The following CRB1 variants were observed in gnomAD, a reference collection of about 807,000 sequenced individuals.
The protein encoded by CRB1 is protein crumbs homolog 1.
A neutral mutation model predicts 120.0 loss-of-function variants in CRB1; 83 were observed. The ratio of observed to expected loss-of-function variants is 0.69; its 90% CI spans 0.58 to 0.83. CRB1 has a LOEUF of 0.83. CRB1 is among the 40% of genes least tolerant of loss of function. CRB1 has a pLI of 0.00. For synonymous variants in CRB1, 625 were observed against 612.5 expected (o/e 1.02, Z -0.30); for missense variants, 1,699 against 1,687.6 (o/e 1.01, Z -0.12).
chr1:197,303,639 C>T (rs978222007), intron 1 of CRB1, among the ~76,000 whole-genome samples: 9 of 151,938 alleles, frequency 5.9e-5, no homozygotes, highest in African/African-American at 2.2e-4. Flanking sequence ...AAATAAGCGA[C>T]TTGTCCTAGC....
chr1:197,429,417 C>T (rs766236602), intron 7 of CRB1, 32 bp from the exon 8 acceptor site: 2 of 1,612,900 alleles, frequency 1.2e-6, no homozygotes, highest in South Asian at 1.1e-5. Context: ...GTTGCCAGTG[C>T]TTTTTATACC....
intron 5 of CRB1, among the ~76,000 whole-genome samples, chr1:197,381,185 A>C (rs962654539): frequency 6.6e-6 from 1 of 152,152 alleles, no homozygotes; most frequent in Non-Finnish European, 1.5e-5. Flanking sequence ...TGGGTTCCTC[A>C]TTCTGGTTTA....
intron 5 of CRB1, among the ~76,000 whole-genome samples, chr1:197,400,306 T>A (rs1662995913): frequency 2.2e-5 from 2 of 90,526 alleles, no homozygotes; most frequent in Non-Finnish European, 5.1e-5. Flanking sequence ...TGTAAGAGCT[T>A]TTTTTTTTTT....
intron 8 of CRB1, 120 bp from the exon 9 acceptor site, chr1:197,434,586 C>A: frequency 1.1e-6 from 1 of 890,356 alleles, no homozygotes; most frequent in Non-Finnish European, 1.8e-6. Flanking sequence ...CAGTATGTAA[C>A]ATGTATCAAA....
At chr1:197,307,063 A>G (rs999880540) in intron 1 of CRB1, among the ~76,000 whole-genome samples, 9 of 152,220 alleles carry the variant, frequency 5.9e-5, no homozygotes, top group Non-Finnish European at 1.2e-4. Context: ...TATTTTGAAT[A>G]TAAGTGGTAC....
chr1:197,334,109 G>A (rs1659012913), intron 2 of CRB1, among the ~76,000 whole-genome samples: 1 of 152,178 alleles, frequency 6.6e-6, no homozygotes, highest in Non-Finnish European at 1.5e-5. Context: ...ACAGATCTGA[G>A]GTGGGGGTCC....
At position 197,328,931 on chromosome 1, in the gene CRB1, C is replaced by T. The variant is rs772447283; in HGVS notation, c.580C>T (p.Pro194Ser). The change falls in exon 2 of 12, where the codon CCC becomes TCC. Residue 194 changes from proline (P) to serine (S), a missense_variant. Coordinates refer to ENST00000367400, the MANE Select transcript of CRB1 (RefSeq NM_201253.3). Reference protein sequence around the residue: ...DLEVDECASDPCKNEATCLNE... With the variant: ...DLEVDECASDSCKNEATCLNE... ...GGAAGTGGATGAATGTGCTTCAGATCCCTGCAAGAACGAGGCTACATGCCT... is the reference window on the plus strand; with the variant it reads ...GGAAGTGGATGAATGTGCTTCAGATTCCTGCAAGAACGAGGCTACATGCCT... 7 of 1,614,074 alleles carry T rather than the reference C, an allele frequency of 4.3e-6. No homozygotes were observed. In the Admixed American group the frequency reaches 1.2e-4, roughly 27 times the overall value.
chr1:197,426,337 C>A (rs762384709), intron 6 of CRB1, among the ~76,000 whole-genome samples: 7 of 151,922 alleles, frequency 4.6e-5, no homozygotes, highest in Non-Finnish European at 8.8e-5. Flanking sequence ...TCTCAGAGTT[C>A]CTCCCTGATT....
In CRB1 at chr1:197,344,408, A is replaced by C; in HGVS notation, c.780A>C (p.Glu260Asp). ...CAPGFLGDHC[E>D]LNTDECASQP... ...CTGGATTCCTGGGGGATCACTGTGA[A>C]CTCAACACTGATGAGTGTGCCAGTC... The change falls in exon 3 of 12, where the codon GAA becomes GAC. Residue 260 changes from glutamate to aspartate, a missense_variant. Transcript: ENST00000367400. 6.2e-7 allele frequency: 1 copy of C among 1,613,964 alleles called. No individual in the cohort carries two copies. The highest frequency in any genetic ancestry group is 1.1e-5 in the South Asian group (1 of 91,070).
At chr1:197,302,072 T>A (rs1336860632) in intron 1 of CRB1, among the ~76,000 whole-genome samples, 1 of 152,134 alleles carries the variant, frequency 6.6e-6, no homozygotes, top group Middle Eastern at 3.2e-3. Flanking sequence ...GCACAGCATG[T>A]TACAAAGAAA....
At chr1:197,460,199 G>A (rs1666464474) in intron 11 of CRB1, among the ~76,000 whole-genome samples, 1 of 151,672 alleles carries the variant, frequency 6.6e-6, no homozygotes, top group East Asian at 1.9e-4. Context: ...CCCTGGATCA[G>A]CATCACTAAA....
At chr1:197,429,179 G>T (rs1185935369) in intron 7 of CRB1, 3 of 1,526,404 alleles carry the variant, frequency 2.0e-6, no homozygotes, top group Non-Finnish European at 2.6e-6. Context: ...AATTACAGAG[G>T]ACACTGCTAT....
Position 197,268,387 on chromosome 1 carries a change from C to T in CRB1, c.-26C>T. On this transcript the variant is annotated 5_prime_UTR_variant, in exon 1 of 12. Coordinates refer to ENST00000367400, the MANE Select transcript of CRB1 (RefSeq NM_201253.3). Reference sequence around the variant, plus strand: ...CTGGGACCAGACCACCAGCAACACACCAGAGGATGTTCTCTAAATAAGACC... The same window carrying T: ...CTGGGACCAGACCACCAGCAACACATCAGAGGATGTTCTCTAAATAAGACC... The T allele has an allele frequency of 6.4e-7, 1 of 1,562,532 alleles. No individual in the cohort carries two copies. The highest frequency in any genetic ancestry group is 1.7e-5 in the Admixed American group (1 of 59,936).
At chr1:197,204,367 A>G in the CRB1 span, among the ~76,000 whole-genome samples, 21 of 152,336 alleles carry the variant, frequency 1.4e-4, no homozygotes, top group African/African-American at 4.8e-4. Context: ...GCTTTTCCAT[A>G]GCGGTTGTAC....
chr1:197,376,900 G>A (rs1661676014), intron 5 of CRB1, among the ~76,000 whole-genome samples: 1 of 152,084 alleles, frequency 6.6e-6, no homozygotes, highest in Admixed American at 6.6e-5. Context: ...CACCTCCTGA[G>A]TCCTCACTCT....
chr1:197,328,165 C>A (rs956295798), intron 1 of CRB1, among the ~76,000 whole-genome samples: 7 of 152,218 alleles, frequency 4.6e-5, no homozygotes, highest in African/African-American at 1.7e-4. Context: ...TTTAAAATAT[C>A]CTATAACTTC....
Position 197,309,753 on chromosome 1 carries a change from AAAATAAATAAAT to A in CRB1, c.71-18636_71-18625del, listed in dbSNP as rs57529093. Among the ~76,000 whole-genome samples the A allele has an allele frequency of 1.8e-3, 254 of 141,570 alleles. 1 individual carries two copies. Among genetic ancestry groups the A allele is most frequent in the African/African-American group, 5.6e-3 (215 of 38,712 alleles). The allele number at this position is 141,570 out of a possible 152,430, so 92.9% of individuals were successfully genotyped here. On this transcript the variant is annotated intron_variant, in intron 1 of 11. Coordinates refer to ENST00000367400, the MANE Select transcript of CRB1 (RefSeq NM_201253.3). ...TGATAACAGAGCAAGACTACATCTC[AAAATAAATAAAT>A]AAATAAATAAATAAATAAATAAATA...
chr1:197,427,788 G>C lies in CRB1; in HGVS notation c.2463G>C (p.Thr821=). Residue 821 remains threonine (T), a synonymous_variant, in exon 7 of 12, where the codon ACG becomes ACC. Transcript: ENST00000367400. ...ACCTAGGATTTATTTCTGCTTCTAC[G>C]TGGAAAATCGAAAAGGGAGATGTCA... The part of the protein sequence containing the change: ...SQNLGFISAS[T]WKIEKGDVIY... The C allele has an allele frequency of 1.2e-6, 2 of 1,613,908 alleles. No individual in the cohort carries two copies. The highest frequency in any genetic ancestry group is 1.7e-6 in the Non-Finnish European group (2 of 1,179,972).
chr1:197,290,363 CT>C (rs1656102841), intron 1 of CRB1, among the ~76,000 whole-genome samples: 1 of 150,518 alleles, frequency 6.6e-6, no homozygotes, highest in African/African-American at 2.4e-5. Flanking sequence ...GATGCAGAGT[CT>C]CAGGGTTTTG....
Sources: allele counts gnomAD v4.1 joint callset (sites outside exome capture counted in the v4.1 genomes callset), GRCh38; gene constraint gnomAD v4.1.1; transcripts MANE v1.5; gene names NCBI Gene and HGNC (gene_info 2026-07-23, HGNC 2026-07-21).